ITPK1: variants seen among roughly 807,000 people sequenced by gnomAD.
ITPK1 encodes inositol-tetrakisphosphate 1-kinase, also known as inositol 1,3,4-trisphosphate 5/6-kinase.
A neutral mutation model predicts 45.3 loss-of-function variants in ITPK1; 21 were observed. The ratio of observed to expected loss-of-function variants is 0.46; its 90% CI spans 0.33 to 0.67. The LOEUF is 0.67. ITPK1 is among the 30% of genes least tolerant of loss of function. The pLI, the probability that ITPK1 is intolerant of heterozygous loss-of-function variation, is 0.02. For missense variants in ITPK1, 474 were observed against 573.5 expected (o/e 0.83, Z 1.77); for synonymous variants, 258 against 253.6 (o/e 1.02, Z -0.16).
rs186086264 is a variant in ITPK1 at position 93,010,343 on chromosome 14, C to A, written c.246+6333G>T. On this transcript the variant is annotated intron_variant, in intron 4 of 10. Transcript: ENST00000267615. ...GCGACTGCTCAATAAACATCAGGGG[C>A]CAACAGGGTTTGATTCAATGCAGCT... Among the ~76,000 whole-genome samples, 79 of 152,374 alleles carry A rather than the reference C, an allele frequency of 5.2e-4. No individual in the cohort carries two copies. The Middle Eastern group carries it at 0.031, about 59-fold the overall frequency.
chr14:93,110,239 T>C (rs930611923), intron 2 of ITPK1, among the ~76,000 whole-genome samples: 2 of 152,142 alleles, frequency 1.3e-5, no homozygotes, highest in African/African-American at 2.4e-5. Flanking sequence ...GTAGAAAGTG[T>C]TCATTTGCAA....
In ITPK1 at chr14:93,076,213, A is replaced by G. The variant is rs773134712; in HGVS notation, c.120+382T>C. On this transcript the variant is annotated intron_variant, in intron 3 of 10. Coordinates refer to ENST00000267615, the MANE Select transcript of ITPK1 (RefSeq NM_014216.6). This position sits in a 1 kb window ranked among gnomAD's most constrained non-coding sequence, Gnocchi z 4.3. Reference sequence around the variant, plus strand: ...TCCATCCTTCTTTTTCTAGTTAATGAGCACCTGAACCAAGTCCACCCAGGG... The same window carrying G: ...TCCATCCTTCTTTTTCTAGTTAATGGGCACCTGAACCAAGTCCACCCAGGG... 2.0e-5 allele frequency among the ~76,000 whole-genome samples: 3 copies of G among 151,632 alleles called. No individual in the cohort carries two copies. The highest frequency in any genetic ancestry group is 4.4e-5 in the Non-Finnish European group (3 of 67,958).
At position 92,954,923 on chromosome 14, in the gene ITPK1, A is replaced by G. The variant is rs114302231; in HGVS notation, c.671-2910T>C. On this transcript the variant is annotated intron_variant, in intron 8 of 10. Coordinates refer to ENST00000267615, the MANE Select transcript of ITPK1 (RefSeq NM_014216.6). ...CAGGACATATTCTCTTCCCCTCAGAACCCCTTATCTCAGGCCACAGTTGAC... is the reference window on the plus strand; with the variant it reads ...CAGGACATATTCTCTTCCCCTCAGAGCCCCTTATCTCAGGCCACAGTTGAC... Among the ~76,000 whole-genome samples the G allele has an allele frequency of 3.5e-3, 530 of 152,048 alleles. 3 individuals are homozygous for G. The highest frequency in any genetic ancestry group is 0.012 in the African/African-American group (494 of 41,456).
rs183343357 is a variant in ITPK1, at chr14:93,078,570, T to C, written c.96-1951A>G. ...TCTCTTAGCTTGTCTGCAGTTCCTG[T>C]AGGAATGGTGGCCAATATCCATCTG... On this transcript the variant is annotated intron_variant, in intron 2 of 10. Transcript: ENST00000267615. 3.4e-3 allele frequency among the ~76,000 whole-genome samples: 516 copies of C among 152,202 alleles called. 6 individuals carry two copies. Among genetic ancestry groups the C allele is most frequent in the Admixed American group, 5.6e-3 (86 of 15,294 alleles).
At chr14:93,104,384 G>A (rs1892441529) in intron 2 of ITPK1, among the ~76,000 whole-genome samples, 1 of 152,092 alleles carries the variant, frequency 6.6e-6, no homozygotes, top group Non-Finnish European at 1.5e-5. Context: ...AGCTACTGGG[G>A]AGGCTGAGGT....
rs191844016 is a variant in ITPK1 at position 93,079,183 on chromosome 14, C to T, written c.96-2564G>A. On this transcript the variant is annotated intron_variant, in intron 2 of 10. Transcript: ENST00000267615. ...AGATGGAACACATAAAATAAGAAAGCAACAAAAAAGTAATCTAGAGAAAAG... is the reference window on the plus strand; with the variant it reads ...AGATGGAACACATAAAATAAGAAAGTAACAAAAAAGTAATCTAGAGAAAAG... Among the ~76,000 whole-genome samples the T allele has an allele frequency of 3.5e-4, 54 of 152,236 alleles. No homozygotes were observed. The East Asian group carries it at 8.5e-3, about 24-fold the overall frequency.
intron 4 of ITPK1, among the ~76,000 whole-genome samples, chr14:93,013,425 C>T (rs908243231): frequency 2.0e-5 from 3 of 152,230 alleles, no homozygotes; most frequent in African/African-American, 4.8e-5. Context: ...GAAGCAGGCA[C>T]GGCCTCCTGG....
intron 2 of ITPK1, among the ~76,000 whole-genome samples, chr14:93,092,900 G>A (rs9323886): frequency 0.072 from 10,913 of 152,112 alleles, 1,280 homozygotes; most frequent in African/African-American, 0.25. Flanking sequence ...TGCCTCAGCC[G>A]AACCCACCAG....
In ITPK1 at chr14:92,958,604, T is replaced by C. The variant is rs927827341; in HGVS notation, c.505-238A>G. On this transcript the variant is annotated intron_variant, in intron 7 of 10. Transcript: ENST00000267615. This position sits in a 1 kb window ranked among gnomAD's most constrained non-coding sequence, Gnocchi z 4.4. ...GATCCTCCCTTCACCGGGCCTGCCA[T>C]GTGAGATCGAGCTGGCTGTGCACTG... is the stretch of plus-strand genomic sequence containing the variant. Among the ~76,000 whole-genome samples, 2 of 152,144 alleles carry C rather than the reference T, an allele frequency of 1.3e-5. No homozygotes were observed. The highest frequency in any genetic ancestry group is 2.9e-5 in the Non-Finnish European group (2 of 68,018).
At chr14:93,064,145 T>C (rs1231360535) in intron 3 of ITPK1, among the ~76,000 whole-genome samples, 2 of 152,098 alleles carry the variant, frequency 1.3e-5, no homozygotes, top group African/African-American at 4.8e-5. Flanking sequence ...TAGCCGGGCG[T>C]GGTGGCGGGC....
chr14:93,042,633 C>A (rs1391167746), intron 3 of ITPK1, among the ~76,000 whole-genome samples: 1 of 152,122 alleles, frequency 6.6e-6, no homozygotes, highest in African/African-American at 2.4e-5. Flanking sequence ...TGACAGGGCA[C>A]TGGGGCTTGT....
intron 5 of ITPK1, among the ~76,000 whole-genome samples, chr14:92,979,883 G>A (rs1249756747): frequency 6.6e-6 from 1 of 151,162 alleles, no homozygotes; most frequent in African/African-American, 2.4e-5. Flanking sequence ...TGTGATCTCA[G>A]CTCACTGCAG....
intron 2 of ITPK1, among the ~76,000 whole-genome samples, chr14:93,113,794 C>A (rs1476077221): frequency 6.6e-6 from 1 of 152,210 alleles, no homozygotes; most frequent in South Asian, 2.1e-4. Context: ...GAGAAGGCAG[C>A]CAACCCCATC....
At chr14:93,085,938 G>A (rs530630367) in intron 2 of ITPK1, among the ~76,000 whole-genome samples, 1 of 151,746 alleles carries the variant, frequency 6.6e-6, no homozygotes, top group Non-Finnish European at 1.5e-5. Flanking sequence ...GTAGTGGGGG[G>A]TGCTGGCAGG....
intron 2 of ITPK1, among the ~76,000 whole-genome samples, chr14:93,101,760 G>A (rs1009280359): frequency 1.3e-5 from 2 of 152,206 alleles, no homozygotes; most frequent in African/African-American, 4.8e-5. Context: ...TGAGGCAGGA[G>A]AATCGCTTGA....
intron 6 of ITPK1, 53 bp from the exon 7 acceptor site, chr14:92,962,448 C>T: frequency 1.6e-6 from 2 of 1,236,988 alleles, no homozygotes; most frequent in South Asian, 1.2e-5. Context: ...CGTTCACCCA[C>T]AAGGCAGGTA....
In ITPK1 at chr14:92,941,613, C is replaced by T; in HGVS notation, c.1193G>A (p.Ser398Asn). 1 of 1,538,252 alleles carries T rather than the reference C, an allele frequency of 6.5e-7. No homozygotes were observed. Among genetic ancestry groups the T allele is most frequent in the Non-Finnish European group, 8.7e-7 (1 of 1,144,642 alleles). ...GGAGGCCACACAATGCTGCTGGAAG[C>T]TGGGCGACACGCCGGCGTTGCAGCC... The part of the protein sequence containing the change: ...RLGCNAGVSP[S>N]FQQHCVASLA... The change falls in exon 11 of 11, where the codon AGC becomes AAC. Residue 398 changes from serine to asparagine, a missense_variant. Ser to Asn is a conservative substitution (Grantham distance 46, BLOSUM62 1). Transcript: ENST00000267615.
chr14:93,113,654 T>C (rs1423922745), intron 2 of ITPK1, among the ~76,000 whole-genome samples: 1 of 152,166 alleles, frequency 6.6e-6, no homozygotes, highest in African/African-American at 2.4e-5. Flanking sequence ...TTTGTAATGT[T>C]CCAAGGGTCC....
rs376569506 is a variant in ITPK1, at chr14:93,085,358, C to G, written c.96-8739G>C. ...CAACCACCTTACCTGAAGACCCTCC[C>G]CCCGACCGGGTGCCCCACCCAGGGG... On this transcript the variant is annotated intron_variant, in intron 2 of 10. Coordinates refer to ENST00000267615, the MANE Select transcript of ITPK1 (RefSeq NM_014216.6). Among the ~76,000 whole-genome samples the G allele has an allele frequency of 3.3e-5, 5 of 152,274 alleles. No homozygotes were observed. The East Asian group carries it at 9.7e-4, about 29-fold the overall frequency.
Sources: allele counts gnomAD v4.1 joint callset (sites outside exome capture counted in the v4.1 genomes callset), GRCh38; gene constraint gnomAD v4.1.1; non-coding constraint Gnocchi (gnomAD v3.1); transcripts MANE v1.5; gene names NCBI Gene and HGNC (gene_info 2026-07-23, HGNC 2026-07-21).